Variants in VCPKMT observed in about 807,000 individuals in gnomAD.
VCPKMT encodes the protein valosin containing protein lysine methyltransferase, also known as protein N-lysine methyltransferase METTL21D.
In VCPKMT, 32 loss-of-function variants were observed where a neutral mutation model predicts 28.6. The ratio of observed to expected loss-of-function variants is 1.12; its 90% CI spans 0.84 to 1.50. The LOEUF (loss-of-function observed/expected upper bound fraction) is 1.50, where lower values mean the gene tolerates loss of function less well. Ranked by LOEUF, VCPKMT falls within the 40% of genes most tolerant of loss-of-function variation. The pLI is 0.00. For synonymous variants in VCPKMT, 138 were observed against 111.4 expected (o/e 1.24, Z -1.50); for missense variants, 366 against 285.0 (o/e 1.28, Z -2.05).
rs1485758078 is a variant in VCPKMT at position 50,116,326 on chromosome 14, G to A, written c.227C>T (p.Ser76Leu). Residue 76 changes from serine (S) to leucine (L), a missense_variant, in exon 1 of 6, where the codon TCG (serine) becomes TTG (leucine). Physicochemically the swap from Ser to Leu is moderately radical, Grantham distance 145 (BLOSUM62 -2). Coordinates refer to ENST00000395860, the MANE Select transcript of VCPKMT (RefSeq NM_024558.3). The stretch of plus-strand genomic sequence containing the variant: ...CATGAGCCCCACGGCCCCGGTGCCC[G>A]AACCCAGCTCCAGCACCGACCGCCG... Reference protein sequence around the residue: ...LSRRSVLELGSGTGAVGLMAA... With the variant: ...LSRRSVLELGLGTGAVGLMAA... The A allele has an allele frequency of 5.6e-6, 9 of 1,603,626 alleles. No homozygotes were observed. In the African/African-American group the frequency reaches 8.0e-5, roughly 14 times the overall value.
At chr14:50,112,393 GAGAA>G (rs376115090) in intron 5 of VCPKMT, among the ~76,000 whole-genome samples, 4,477 of 56,444 alleles carry the variant, frequency 0.079, 302 homozygotes, top group African/African-American at 0.12. Context: ...TAAAAAATAC[GAGAA>G]AAAAAAAAAA....
intron 5 of VCPKMT, among the ~76,000 whole-genome samples, chr14:50,109,976 T>C (rs1176809987): frequency 6.6e-6 from 1 of 152,214 alleles, no homozygotes; most frequent in Non-Finnish European, 1.5e-5. Flanking sequence ...CCGGGTGTGG[T>C]GGCTCACACC....
Position 50,114,355 on chromosome 14 carries a change from G to T in VCPKMT, c.500C>A (p.Thr167Asn). ...KTLKDISGFE[T>N]CIICCYEQRT... ...TTGTTCATAACAACATATAATACAA[G>T]TTTCAAATCCGCTGATATCTTTTAG... The change falls in exon 4 of 6, where the codon ACT becomes AAT. Residue 167 changes from threonine to asparagine, a missense_variant. By Grantham distance (65) the Thr-to-Asn change is moderately conservative. Transcript: ENST00000395860. The T allele has an allele frequency of 6.3e-7, 1 of 1,589,284 alleles. No individual in the cohort carries two copies. Among genetic ancestry groups the T allele is most frequent in the Non-Finnish European group, 8.5e-7 (1 of 1,170,930 alleles).
chr14:50,108,861 A>G lies in VCPKMT; in HGVS notation c.*838T>C, dbSNP rs1251717748. 1.1e-5 allele frequency: 11 copies of G among 985,416 alleles called. No individual in the cohort carries two copies. The highest frequency in any genetic ancestry group is 1.3e-5 in the Non-Finnish European group (11 of 829,930). 61.0% of individuals were successfully genotyped at this position (985,416 alleles called of 1,614,324 possible). A position where few individuals can be genotyped will look rare whatever the true frequency, so the allele number is the denominator to read the frequency against. On this transcript the variant is annotated 3_prime_UTR_variant, in exon 6 of 6. Coordinates refer to ENST00000395860, the MANE Select transcript of VCPKMT (RefSeq NM_024558.3). The stretch of plus-strand genomic sequence containing the variant: ...GAACTACATTTGTAGTTATTCAAAA[A>G]CCTTTCACTGCTTCATGTAAACAAT...
chr14:50,115,911 C>G lies in VCPKMT; in HGVS notation c.378G>C (p.Trp126Cys). The change falls in exon 3 of 6, where the codon TGG (tryptophan) becomes TGC (cysteine). Residue 126 changes from tryptophan to cysteine, a missense_variant and splice_region_variant. Trp to Cys is a radical substitution (Grantham distance 215, BLOSUM62 -2). Transcript: ENST00000395860. The part of the protein sequence containing the change: ...TGSVQAKVLK[W>C]GEEIEGFPSP... Reference sequence around the variant, plus strand: ...AAGGAAAGCCTTCTATTTCTTCCCCCCTTAAAAATGCCAAACAAATATTTC... The same window carrying G: ...AAGGAAAGCCTTCTATTTCTTCCCCGCTTAAAAATGCCAAACAAATATTTC... 1.2e-6 allele frequency: 2 copies of G among 1,613,178 alleles called. No individual in the cohort carries two copies. The highest frequency in any genetic ancestry group is 1.1e-5 in the South Asian group (1 of 90,982).
rs1883207938 is a variant in VCPKMT, at chr14:50,116,323, C to A, written c.230G>T (p.Gly77Val). ...SRRSVLELGS[G>V]TGAVGLMAAT... The stretch of plus-strand genomic sequence containing the variant: ...AGCCATGAGCCCCACGGCCCCGGTG[C>A]CCGAACCCAGCTCCAGCACCGACCG... The change falls in exon 1 of 6, where the codon GGC becomes GTC. Residue 77 changes from glycine to valine, a missense_variant. By Grantham distance (109) the Gly-to-Val change is moderately radical. Transcript: ENST00000395860. The A allele has an allele frequency of 6.2e-7, 1 of 1,609,562 alleles. No homozygotes were observed. Among genetic ancestry groups the A allele is most frequent in the Non-Finnish European group, 8.5e-7 (1 of 1,178,052 alleles).
chr14:50,112,035 T>C, intron 5 of VCPKMT: 5 of 985,020 alleles, frequency 5.1e-6, no homozygotes, highest in Non-Finnish European at 6.0e-6. Flanking sequence ...TTCTACTTAA[T>C]TGAGTGCATT....
the VCPKMT span, among the ~76,000 whole-genome samples, chr14:50,103,485 T>G: frequency 6.6e-6 from 1 of 152,240 alleles, no homozygotes; most frequent in Non-Finnish European, 1.5e-5. Context: ...TGGTCTCAGG[T>G]TTAGCAAAGA....
At chr14:50,112,392 C>CTAAAAA (rs1882737879) in intron 5 of VCPKMT, among the ~76,000 whole-genome samples, 1 of 52,498 alleles carries the variant, frequency 1.9e-5, no homozygotes, top group Non-Finnish European at 3.2e-5. Flanking sequence ...TTAAAAAATA[C>CTAAAAA]GAGAAAAAAA....
intron 1 of VCPKMT, 28 bp downstream of exon 1, chr14:50,116,259 C>A: frequency 6.2e-7 from 1 of 1,607,716 alleles, no homozygotes; most frequent in Non-Finnish European, 8.5e-7. Context: ...AAGGCGCCCC[C>A]ACATCCCGCC....
chr14:50,116,424 C>CCA lies in VCPKMT; in HGVS notation c.127_128dup (p.Trp43CysfsTer25). The CCA allele has an allele frequency of 1.9e-6, 3 of 1,614,024 alleles. No individual in the cohort carries two copies. The East Asian group carries it at 6.7e-5, about 36-fold the overall frequency. ...ATTTAGAAAGGACAATGGCAGCGTCCCACACAACGCAACCCACGCCACCGG... is the reference window on the plus strand; with the variant it reads ...ATTTAGAAAGGACAATGGCAGCGTCCCACACACAACGCAACCCACGCCACCGG... On this transcript the variant is annotated frameshift_variant, in exon 1 of 6. Coordinates refer to ENST00000395860, the MANE Select transcript of VCPKMT (RefSeq NM_024558.3). LOFTEE classifies it high-confidence loss of function.
At chr14:50,111,357 G>A (rs1357943388) in intron 5 of VCPKMT, 10 of 985,030 alleles carry the variant, frequency 1.0e-5, no homozygotes, top group African/African-American at 1.8e-5. Context: ...GAATAATCCC[G>A]CTGCTGCCTT....
chr14:50,115,781 A>G, intron 3 of VCPKMT, 58 bp downstream of exon 3: 1 of 1,540,098 alleles, frequency 6.5e-7, no homozygotes, highest in Non-Finnish European at 8.9e-7. Flanking sequence ...TGTGCTTTAG[A>G]ATTCATGGAA....
At chr14:50,112,364 G>A (rs764257413) in intron 5 of VCPKMT, among the ~76,000 whole-genome samples, 2 of 118,258 alleles carry the variant, frequency 1.7e-5, no homozygotes, top group Non-Finnish European at 1.6e-5. Flanking sequence ...TAGGCAACAC[G>A]GTGAAACGTG....
intron 3 of VCPKMT, 90 bp from the exon 4 acceptor site, chr14:50,114,494 T>G (rs1288023456): frequency 2.4e-6 from 2 of 848,156 alleles, no homozygotes; most frequent in African/African-American, 3.5e-5. Flanking sequence ...TATTTATAGC[T>G]CCCCTACAAT....
At position 50,113,794 on chromosome 14, in the gene VCPKMT, CGGGGGGGGG is replaced by C. The variant is rs61233901; in HGVS notation, c.570+482_570+490del. ...GCCTATAGTCCCACTTACTTGGGGG[CGGGGGGGGG>C]GGGGGGTGACACTGAGGCAGGAGGA... On this transcript the variant is annotated intron_variant, in intron 4 of 5. Coordinates refer to ENST00000395860, the MANE Select transcript of VCPKMT (RefSeq NM_024558.3). 2.0e-3 allele frequency among the ~76,000 whole-genome samples: 17 copies of C among 8,342 alleles called. 4 individuals are homozygous for C. The highest frequency in any genetic ancestry group is 0.014 in the Admixed American group (6 of 428). 5.5% of individuals were successfully genotyped at this position (8,342 alleles called of 152,430 possible).
chr14:50,106,722 G>A (rs1882334536), downstream of VCPKMT: 6 of 886,806 alleles, frequency 6.8e-6, no homozygotes, highest in East Asian at 1.2e-4. Flanking sequence ...TTCCTCCTGC[G>A]GTTTTGTTTT....
At chr14:50,106,074 G>A (rs1882310231), downstream of VCPKMT, among the ~76,000 whole-genome samples, 1 of 152,084 alleles carries the variant, frequency 6.6e-6, no homozygotes, top group Non-Finnish European at 1.5e-5. Flanking sequence ...TTCTCCTTGG[G>A]AAGTAGATGC....
chr14:50,104,691 T>C (rs971268870), downstream of VCPKMT, among the ~76,000 whole-genome samples: 14 of 135,928 alleles, frequency 1.0e-4, no homozygotes, highest in Admixed American at 7.9e-4. Flanking sequence ...ACTTACTCTA[T>C]TGAAAAAAAA....
Sources: allele counts gnomAD v4.1 joint callset (sites outside exome capture counted in the v4.1 genomes callset), GRCh38; gene constraint gnomAD v4.1.1; transcripts MANE v1.5; gene names NCBI Gene and HGNC (gene_info 2026-07-23, HGNC 2026-07-21).